Variants in FXYD7 observed in about 807,000 individuals in gnomAD.
FXYD7 encodes the protein FXYD domain containing ion transport regulator 7.
Under a neutral mutation model 15.3 loss-of-function variants are expected in FXYD7, and 7 were observed. The observed-to-expected ratio is 0.46, with a 90% CI of 0.26 to 0.86. The LOEUF is 0.86. Ranked by LOEUF, FXYD7 falls within the 40% of genes least tolerant of loss-of-function variation. FXYD7 has a pLI of 0.16. For missense variants in FXYD7, 78 were observed against 100.6 expected (o/e 0.78, Z 0.96); for synonymous variants, 39 against 39.3 (o/e 0.99, Z 0.03).
intron 2 of FXYD7, 92 bp downstream of exon 2, chr19:35,148,815 G>C: frequency 8.7e-7 from 1 of 1,144,734 alleles, no homozygotes; most frequent in Non-Finnish European, 1.3e-6. Context: ...GTGGCCACAC[G>C]ATACGTGCTG....
At chr19:35,153,822 A>C in intron 5 of FXYD7, 72 bp from the exon 6 acceptor site, 2 of 1,425,174 alleles carry the variant, frequency 1.4e-6, no homozygotes, top group African/African-American at 2.8e-5. Context: ...CGGGGAATGG[A>C]GAGCCAACGA....
rs1448806804 is a variant in FXYD7 at position 35,154,180 on chromosome 19, C to A, written c.*264C>A. 1 of 539,330 alleles carries A rather than the reference C, an allele frequency of 1.9e-6. No individual in the cohort carries two copies. Among genetic ancestry groups the A allele is most frequent in the South Asian group, 2.4e-5 (1 of 42,270 alleles). 33.4% of individuals were successfully genotyped at this position (539,330 alleles called of 1,614,324 possible). ...TCCGGGAGTCCATCCCGGCCCAGCA[C>A]CCCCAGCATCCCCGTGTATGGCCCC... On this transcript the variant is annotated 3_prime_UTR_variant, in exon 6 of 6. Coordinates refer to ENST00000270310, the MANE Select transcript of FXYD7 (RefSeq NM_022006.2).
At chr19:35,153,844 G>A (rs760838625) in intron 5 of FXYD7, 50 bp from the exon 6 acceptor site, 181 of 1,590,964 alleles carry the variant, frequency 1.1e-4, no homozygotes, top group Non-Finnish European at 1.4e-4. Flanking sequence ...CTGTGGGGAG[G>A]GAGGCAGTTT....
At chr19:35,145,952 A>G (rs2085462) in intron 1 of FXYD7, among the ~76,000 whole-genome samples, 67,259 of 151,056 alleles carry the variant, frequency 0.45, 15,123 homozygotes, top group South Asian at 0.56. Context: ...TAATTTTTGT[A>G]TTTTTCATAG....
At chr19:35,144,340 A>T (rs2065280816) in intron 1 of FXYD7, among the ~76,000 whole-genome samples, 1 of 152,094 alleles carries the variant, frequency 6.6e-6, no homozygotes, top group Non-Finnish European at 1.5e-5. Context: ...CCACACACTG[A>T]TTTCCATTCC....
In FXYD7 at chr19:35,143,907, A is replaced by G. The variant is rs1001263775; in HGVS notation, c.31+543A>G. 7.9e-5 allele frequency among the ~76,000 whole-genome samples: 12 copies of G among 152,202 alleles called. No individual in the cohort carries two copies. Among genetic ancestry groups the G allele is most frequent in the African/African-American group, 2.9e-4 (12 of 41,436 alleles). ...AGAAGGGATATAGCAAGAGACAGACAGGGAGAACCTGGAAGAGACAGAGAC... is the reference window on the plus strand; with the variant it reads ...AGAAGGGATATAGCAAGAGACAGACGGGGAGAACCTGGAAGAGACAGAGAC... On this transcript the variant is annotated intron_variant, in intron 1 of 5. Transcript: ENST00000270310. This position sits in a 1 kb window ranked among gnomAD's most constrained non-coding sequence, Gnocchi z 4.3.
intron 5 of FXYD7, among the ~76,000 whole-genome samples, 160 bp from the exon 6 acceptor site, chr19:35,153,734 A>G (rs1600495382): frequency 6.6e-6 from 1 of 152,244 alleles, no homozygotes. Flanking sequence ...GGAACAAGAC[A>G]TTAGAGTGTG....
At position 35,143,599 on chromosome 19, in the gene FXYD7, C is replaced by A. The variant is rs569099505; in HGVS notation, c.31+235C>A. On this transcript the variant is annotated intron_variant, in intron 1 of 5. Transcript: ENST00000270310. This position sits in a 1 kb window ranked among gnomAD's most constrained non-coding sequence, Gnocchi z 4.3. The stretch of plus-strand genomic sequence containing the variant: ...AGACCTGCGGTTGGAGAGTGGCAGT[C>A]CCGGGAGAAGGGATGCTCGGACAGG... 6.1e-4 allele frequency among the ~76,000 whole-genome samples: 93 copies of A among 152,152 alleles called. No individual in the cohort carries two copies. The South Asian group carries it at 7.7e-3, about 13-fold the overall frequency.
chr19:35,149,383 G>A (rs1417928392), intron 2 of FXYD7: 1 of 264,260 alleles, frequency 3.8e-6, no homozygotes, highest in Non-Finnish European at 7.6e-6. Context: ...TACACGACCG[G>A]CTAAGGCTCC....
rs749793169 is a variant in FXYD7, at chr19:35,147,524, A to G, written c.32-1170A>G. Among the ~76,000 whole-genome samples, 66 of 152,352 alleles carry G rather than the reference A, an allele frequency of 4.3e-4. No homozygotes were observed. In the South Asian group the frequency reaches 7.0e-3, roughly 16 times the overall value. ...GTGGGAAGTGGAGAAAAGTGAATCC[A>G]GAGACACACACACATTTTATCCACA... On this transcript the variant is annotated intron_variant, in intron 1 of 5. Transcript: ENST00000270310.
chr19:35,152,940 TAAAAAAAA>T (rs534802680), intron 5 of FXYD7, among the ~76,000 whole-genome samples: 2 of 105,912 alleles, frequency 1.9e-5, no homozygotes, highest in Admixed American at 1.1e-4. Flanking sequence ...TTCTTATAAC[TAAAAAAAA>T]AAAAAAAAAA....
In FXYD7 at chr19:35,154,170, C is replaced by G. The variant is rs921459131; in HGVS notation, c.*254C>G. 3 of 540,860 alleles carry G rather than the reference C, an allele frequency of 5.5e-6. No individual in the cohort carries two copies. Among genetic ancestry groups the G allele is most frequent in the Non-Finnish European group, 9.8e-6 (3 of 306,128 alleles). The allele number at this position is 540,860 out of a possible 1,614,324, so 33.5% of individuals were successfully genotyped here. A position where few individuals can be genotyped will look rare whatever the true frequency, so the allele number is the denominator to read the frequency against. On this transcript the variant is annotated 3_prime_UTR_variant, in exon 6 of 6. Transcript: ENST00000270310. ...GCTCCTGGGATCCGGGAGTCCATCCCGGCCCAGCACCCCCAGCATCCCCGT... is the reference window on the plus strand; with the variant it reads ...GCTCCTGGGATCCGGGAGTCCATCCGGGCCCAGCACCCCCAGCATCCCCGT...
rs2065282661 is a variant in FXYD7 at position 35,144,683 on chromosome 19, G to T, written c.31+1319G>T. On this transcript the variant is annotated intron_variant, in intron 1 of 5. Coordinates refer to ENST00000270310, the MANE Select transcript of FXYD7 (RefSeq NM_022006.2). ...TGCAGAGGCTGGAAGCTACCCTAGG[G>T]AGGGGGGCAGGGCTGAGGCAGCAGG... Among the ~76,000 whole-genome samples, 4 of 150,860 alleles carry T rather than the reference G, an allele frequency of 2.7e-5. 1 individual carries two copies. The South Asian group carries it at 8.3e-4, about 31-fold the overall frequency.
chr19:35,150,670 C>G (rs2065306484), intron 2 of FXYD7, among the ~76,000 whole-genome samples: 1 of 152,082 alleles, frequency 6.6e-6, no homozygotes, highest in African/African-American at 2.4e-5. Context: ...GCCCCAGGAA[C>G]AGTGGGGAGG....
chr19:35,143,381 GAGGGGGTTGC>G lies in FXYD7; in HGVS notation c.31+24_31+33del. ...CCACAAAGGGTGAGCGTCGTTTGGG[GAGGGGGTTGC>G]AGGGGGGCTCCGGGATCTGAGAGCC... On this transcript the variant is annotated intron_variant, in intron 1 of 5. Coordinates refer to ENST00000270310, the MANE Select transcript of FXYD7 (RefSeq NM_022006.2). The surrounding 1 kb of genome is among the most constrained non-coding windows in gnomAD (Gnocchi z 4.3). 5.3e-6 allele frequency: 8 copies of G among 1,506,862 alleles called. No individual in the cohort carries two copies. The highest frequency in any genetic ancestry group is 7.1e-6 in the Non-Finnish European group (8 of 1,129,078). The allele number at this position is 1,506,862 out of a possible 1,614,324, so 93.3% of individuals were successfully genotyped here.
At position 35,152,134 on chromosome 19, in the gene FXYD7, C is replaced by CAAAAAAAAAAAAAAAAAAAAAAAA. The variant is rs71167517; in HGVS notation, c.220+482_220+483insAAAAAAAAAAAAAAAAAAAAAAAA. Among the ~76,000 whole-genome samples, 3 of 45,138 alleles carry CAAAAAAAAAAAAAAAAAAAAAAAA rather than the reference C, an allele frequency of 6.6e-5. 1 individual carries two copies. Among genetic ancestry groups the CAAAAAAAAAAAAAAAAAAAAAAAA allele is most frequent in the African/African-American group, 2.6e-4 (3 of 11,502 alleles). 29.6% of individuals were successfully genotyped at this position (45,138 alleles called of 152,430 possible). A position where few individuals can be genotyped will look rare whatever the true frequency, so the allele number is the denominator to read the frequency against. On this transcript the variant is annotated intron_variant, in intron 5 of 5. Coordinates refer to ENST00000270310, the MANE Select transcript of FXYD7 (RefSeq NM_022006.2). ...AGCCTGGGTGATAGAGTGAGACTGT[C>CAAAAAAAAAAAAAAAAAAAAAAAA]AAAAAAAAAAAAAAAAAAAAAGAGG... is the stretch of plus-strand genomic sequence containing the variant.
intron 5 of FXYD7, among the ~76,000 whole-genome samples, chr19:35,152,943 A>T (rs1208905278): frequency 2.1e-3 from 12 of 5,594 alleles, no homozygotes; most frequent in Non-Finnish European, 3.0e-3. Flanking sequence ...TTATAACTAA[A>T]AAAAAAAAAA....
chr19:35,148,814 C>A lies in FXYD7; in HGVS notation c.61+91C>A, dbSNP rs577988774. 3.4e-6 allele frequency: 4 copies of A among 1,162,232 alleles called. No homozygotes were observed. In the East Asian group the frequency reaches 7.0e-5, roughly 20 times the overall value. The allele number at this position is 1,162,232 out of a possible 1,614,324, so 72.0% of individuals were successfully genotyped here. ...GGACATGGCTTCAGCTGTGGCCACA[C>A]GATACGTGCTGGGCCACTGGCCACG... On this transcript the variant is annotated intron_variant, in intron 2 of 5. Coordinates refer to ENST00000270310, the MANE Select transcript of FXYD7 (RefSeq NM_022006.2).
At chr19:35,148,031 G>GAAAGA (rs1452963535) in intron 1 of FXYD7, among the ~76,000 whole-genome samples, 5 of 12,450 alleles carry the variant, frequency 4.0e-4, no homozygotes, top group Non-Finnish European at 6.7e-4. Context: ...AAGAAGGAAA[G>GAAAGA]AAAGAAAGAA....
Sources: allele counts gnomAD v4.1 joint callset (sites outside exome capture counted in the v4.1 genomes callset), GRCh38; gene constraint gnomAD v4.1.1; non-coding constraint Gnocchi (gnomAD v3.1); transcripts MANE v1.5; gene names NCBI Gene and HGNC (gene_info 2026-07-23, HGNC 2026-07-21).